Variants in OAS3 observed in about 807,000 individuals in gnomAD.
The protein encoded by OAS3 is 2'-5'-oligoadenylate synthase 3.
A neutral mutation model predicts 113.0 loss-of-function variants in OAS3; 107 were observed. The observed-to-expected ratio is 0.95, with a 90% confidence interval of 0.81 to 1.11. The LOEUF is 1.11. OAS3 is among the 50% of genes most tolerant of loss of function. The probability of loss-of-function intolerance (pLI) is 0.00; values close to 1 mark genes in which losing one functional copy is unlikely to be tolerated. For missense variants in OAS3, 1,258 were observed against 1,389.1 expected (o/e 0.91, Z 1.50); for synonymous variants, 552 against 573.6 (o/e 0.96, Z 0.54).
chr12:112,949,944 G>A (rs889293429), intron 6 of OAS3, among the ~76,000 whole-genome samples: 5 of 152,296 alleles, frequency 3.3e-5, no homozygotes, highest in Admixed American at 2.6e-4. Context: ...GCTTGAACCC[G>A]GGAGGCGGAG....
chr12:112,949,857 GA>G (rs2043773209), intron 6 of OAS3, among the ~76,000 whole-genome samples: 1 of 151,988 alleles, frequency 6.6e-6, no homozygotes, highest in Non-Finnish European at 1.5e-5. Flanking sequence ...TGTCTCTACT[GA>G]AAATACAAAA....
Position 112,967,598 on chromosome 12 carries a change from G to A in OAS3, c.2865+5G>A, listed in dbSNP as rs571076058. On this transcript the variant is annotated splice_donor_5th_base_variant and intron_variant, in intron 13 of 15. Transcript: ENST00000228928. ...GTGAAGCACTGGTACCAGCAGGTTC[G>A]GCACATGGATAGGCCACCTTCCTAA... is the stretch of plus-strand genomic sequence containing the variant. 1.2e-5 allele frequency: 20 copies of A among 1,611,944 alleles called. No individual in the cohort carries two copies. The highest frequency in any genetic ancestry group is 1.7e-4 in the Middle Eastern group (1 of 6,060).
At chr12:112,959,663 A>T (rs146394108) in intron 7 of OAS3, among the ~76,000 whole-genome samples, 11 of 151,882 alleles carry the variant, frequency 7.2e-5, no homozygotes, top group African/African-American at 2.7e-4. Context: ...TTCTTATCTC[A>T]TCCTCCATGG....
intron 7 of OAS3, among the ~76,000 whole-genome samples, chr12:112,952,030 T>C (rs2043797929): frequency 6.6e-6 from 1 of 152,082 alleles, no homozygotes; most frequent in African/African-American, 2.4e-5. Flanking sequence ...CATTGCTGAA[T>C]GCAGACTTCT....
In OAS3 at chr12:112,938,508, C is replaced by T. The variant is rs755738180; in HGVS notation, c.-23C>T. ...AAGGCCGCGCCAGAGCCCTGCTTCC[C>T]CTTGCACCTGCGCCGGGCGGCCATG... On this transcript the variant is annotated 5_prime_UTR_variant, in exon 1 of 16. Transcript: ENST00000228928. The T allele has an allele frequency of 5.1e-6, 8 of 1,555,166 alleles. No individual in the cohort carries two copies. The highest frequency in any genetic ancestry group is 1.2e-5 in the South Asian group (1 of 84,300).
intron 1 of OAS3, 32 bp downstream of exon 1, chr12:112,938,739 C>CAAAGGTT (rs34992537): frequency 7.5e-7 from 1 of 1,335,740 alleles, no homozygotes; most frequent in African/African-American, 3.5e-5. Context: ...TTTATGTGTC[C>CAAAGGTT]AAAGGGGAGT....
At chr12:112,959,504 A>G (rs2043863785) in intron 7 of OAS3, among the ~76,000 whole-genome samples, 1 of 152,014 alleles carries the variant, frequency 6.6e-6, no homozygotes. Flanking sequence ...TTTCTTTTTA[A>G]TTTGTCCTCT....
intron 7 of OAS3, among the ~76,000 whole-genome samples, chr12:112,958,396 G>A (rs568727823): frequency 7.2e-5 from 11 of 152,260 alleles, no homozygotes; most frequent in African/African-American, 9.6e-5. Context: ...GAGGAGCTGC[G>A]TTCCTTTGGA....
At chr12:112,952,200 CTA>C (rs1377865142) in intron 7 of OAS3, among the ~76,000 whole-genome samples, 10 of 152,252 alleles carry the variant, frequency 6.6e-5, no homozygotes, top group African/African-American at 2.4e-4. Flanking sequence ...TATTTTGAGG[CTA>C]TGTTATTGGG....
chr12:112,946,758 T>A lies in OAS3; in HGVS notation c.652T>A (p.Leu218Met). The change falls in exon 4 of 16, where the codon TTG (leucine) becomes ATG (methionine). Residue 218 changes from leucine (L) to methionine (M), a missense_variant. Leu to Met is a conservative substitution (Grantham distance 15). Coordinates refer to ENST00000228928, the MANE Select transcript of OAS3 (RefSeq NM_006187.4). ...CCTCTCACAGGTGTGCCTACAGGGGTTGTGGAAGGAGACGCTGCCCCCGGT... is the reference window on the plus strand; with the variant it reads ...CCTCTCACAGGTGTGCCTACAGGGGATGTGGAAGGAGACGCTGCCCCCGGT... ...HWYHQVCLQG[L>M]WKETLPPVYA... The A allele has an allele frequency of 1.2e-6, 2 of 1,610,270 alleles. No individual in the cohort carries two copies. The highest frequency in any genetic ancestry group is 8.5e-7 in the Non-Finnish European group (1 of 1,178,460).
chr12:112,961,051 G>A lies in OAS3; in HGVS notation c.1658-20G>A, dbSNP rs2043878506. Reference sequence around the variant, plus strand: ...TCTTCAATTGGAGTTGCACACTCAGGGTGTTTCAAACTTCTACAGGGCAGC... The same window carrying A: ...TCTTCAATTGGAGTTGCACACTCAGAGTGTTTCAAACTTCTACAGGGCAGC... On this transcript the variant is annotated intron_variant, in intron 7 of 15. Transcript: ENST00000228928. The A allele has an allele frequency of 1.2e-6, 2 of 1,610,938 alleles. No individual in the cohort carries two copies. Among genetic ancestry groups the A allele is most frequent in the Admixed American group, 3.4e-5 (2 of 59,594 alleles).
chr12:112,942,015 A>T, intron 2 of OAS3, 163 bp downstream of exon 2: 2 of 818,702 alleles, frequency 2.4e-6, no homozygotes, highest in Admixed American at 4.8e-5. Flanking sequence ...GACTTGTGCC[A>T]GACAAAGGCA....
At chr12:112,944,757 C>A in intron 3 of OAS3, 106 bp downstream of exon 3, 1 of 1,215,898 alleles carries the variant, frequency 8.2e-7, no homozygotes, top group Non-Finnish European at 1.2e-6. Flanking sequence ...TGTTCTCTCT[C>A]TGGGAATTGT....
rs1264422622 is a variant in OAS3, at chr12:112,951,718, C to G, written c.1657+743C>G. Among the ~76,000 whole-genome samples, 24 of 151,752 alleles carry G rather than the reference C, an allele frequency of 1.6e-4. 1 individual carries two copies. Among genetic ancestry groups the G allele is most frequent in the Admixed American group, 1.5e-3 (23 of 15,206 alleles). On this transcript the variant is annotated intron_variant, in intron 7 of 15. Transcript: ENST00000228928. ...TTGAAAAGAATGCATGCTTTCCATC[C>G]AGGCATGGTGGATCACACCTGTAAT...
intron 14 of OAS3, among the ~76,000 whole-genome samples, chr12:112,968,555 C>T: frequency 6.6e-6 from 1 of 152,060 alleles, no homozygotes; most frequent in East Asian, 1.9e-4. Flanking sequence ...TTTTTGTCAC[C>T]CAGGCTGGAG....
At chr12:112,948,813 C>T (rs1319015080) in intron 5 of OAS3, 48 bp from the exon 6 acceptor site, 1 of 1,438,242 alleles carries the variant, frequency 7.0e-7, no homozygotes, top group East Asian at 2.5e-5. Flanking sequence ...TGGGTTGATG[C>T]AGAAACCACT....
At position 112,961,233 on chromosome 12, in the gene OAS3, A is replaced by G. The variant is rs756627070; in HGVS notation, c.1820A>G (p.His607Arg). 4 of 1,613,854 alleles carry G rather than the reference A, an allele frequency of 2.5e-6. No individual in the cohort carries two copies. In the African/African-American group the frequency reaches 4.0e-5, roughly 16 times the overall value. ...AAGAACCTGATTCTGCTGGTGAAGC[A>G]CTGGTACCGCCAGGTGAGTTGCCCC... Reference protein sequence around the residue: ...KLKNLILLVKHWYRQVAAQNK... With the variant: ...KLKNLILLVKRWYRQVAAQNK... The change falls in exon 8 of 16, where the codon CAC (histidine) becomes CGC (arginine). Residue 607 changes from histidine (H) to arginine (R), a missense_variant. His to Arg is a conservative substitution (Grantham distance 29). Transcript: ENST00000228928.
intron 7 of OAS3, among the ~76,000 whole-genome samples, chr12:112,955,869 T>G (rs12304684): frequency 0.069 from 10,520 of 152,286 alleles, 1,203 homozygotes; most frequent in African/African-American, 0.24. Flanking sequence ...TTATGGAGGA[T>G]TCCCTCTTTT....
At chr12:112,961,453 G>T (rs2043885117) in intron 8 of OAS3, among the ~76,000 whole-genome samples, 1 of 152,190 alleles carries the variant, frequency 6.6e-6, no homozygotes, top group African/African-American at 2.4e-5. Context: ...CAAGTCTAAA[G>T]TCTTCATTTC....
Sources: gnomAD v4.1 joint callset for allele counts (sites outside exome capture counted in the v4.1 genomes callset) on GRCh38, gnomAD v4.1.1 for gene constraint, MANE v1.5 for transcripts, NCBI Gene and HGNC (gene_info 2026-07-23, HGNC 2026-07-21) for gene names.